The following CDC14A variants were observed in gnomAD, a reference collection of about 807,000 sequenced individuals.
CDC14A encodes dual specificity protein phosphatase CDC14A.
A neutral mutation model predicts 74.4 loss-of-function variants in CDC14A; 53 were observed. The ratio of observed to expected loss-of-function variants is 0.71; its 90% CI spans 0.57 to 0.89. The LOEUF (loss-of-function observed/expected upper bound fraction) is 0.89. Ranked by LOEUF, CDC14A falls within the 40% of genes least tolerant of loss-of-function variation. The probability of loss-of-function intolerance (pLI) is 0.00; values close to 1 mark genes in which losing one functional copy is unlikely to be tolerated. For missense variants in CDC14A, 646 were observed against 713.7 expected, an observed-to-expected ratio of 0.91 and a Z score of 1.08; for synonymous variants, 247 against 258.4, an observed-to-expected ratio of 0.96 and a Z score of 0.43.
intron 11 of CDC14A, among the ~76,000 whole-genome samples, chr1:100,490,775 C>A (rs915748238): frequency 1.3e-5 from 2 of 152,018 alleles, no homozygotes; most frequent in Non-Finnish European, 2.9e-5. Context: ...ATATGGGAAC[C>A]CTCCTGGCTG....
At chr1:100,362,849 G>T (rs1421998188) in intron 2 of CDC14A, among the ~76,000 whole-genome samples, 1 of 152,110 alleles carries the variant, frequency 6.6e-6, no homozygotes, top group Non-Finnish European at 1.5e-5. Context: ...TCATCTCATC[G>T]AAGATTAACA....
intron 10 of CDC14A, among the ~76,000 whole-genome samples, chr1:100,483,771 G>T (rs1660672199): frequency 6.6e-6 from 1 of 152,106 alleles, no homozygotes; most frequent in African/African-American, 2.4e-5. Context: ...TATAAGCCTT[G>T]CTTTTAGATT....
chr1:100,445,801 T>C (rs544655214), intron 7 of CDC14A, among the ~76,000 whole-genome samples: 47 of 152,310 alleles, frequency 3.1e-4, no homozygotes, highest in African/African-American at 1.1e-3. Context: ...AGGGGAGCAG[T>C]CAGTTTTGGT....
At chr1:100,382,134 G>A (rs1182074124) in intron 3 of CDC14A, among the ~76,000 whole-genome samples, 1 of 149,164 alleles carries the variant, frequency 6.7e-6, no homozygotes. Context: ...CTGGGCTAAA[G>A]TCTTCTGAAA....
intron 4 of CDC14A, among the ~76,000 whole-genome samples, chr1:100,415,931 T>A (rs1411511627): frequency 6.6e-6 from 1 of 152,184 alleles, no homozygotes; most frequent in African/African-American, 2.4e-5. Context: ...CTGGATATAA[T>A]GGGAGGAAAT....
intron 1 of CDC14A, among the ~76,000 whole-genome samples, chr1:100,346,631 CAA>C (rs200477363): frequency 0.015 from 1,166 of 77,906 alleles, 6 homozygotes; most frequent in African/African-American, 0.048. Context: ...GACTCTGTCT[CAA>C]AAAAAAAAAA....
chr1:100,356,981 C>T (rs188924238), intron 2 of CDC14A, among the ~76,000 whole-genome samples: 13 of 150,702 alleles, frequency 8.6e-5, no homozygotes, highest in Admixed American at 1.3e-4. Flanking sequence ...AGGAGGGTGG[C>T]GTGGAGGGGT....
chr1:100,351,934 T>TA, upstream of CDC14A: 1 of 792,556 alleles, frequency 1.3e-6, no homozygotes, highest in Non-Finnish European at 2.0e-6. Context: ...AAATGTTAGC[T>TA]AGAGGCGAGG....
At chr1:100,429,234 T>TAAATAAATAAATAACTAAAA (rs60569646) in intron 5 of CDC14A, among the ~76,000 whole-genome samples, 1 of 146,428 alleles carries the variant, frequency 6.8e-6, no homozygotes, top group African/African-American at 2.5e-5. Context: ...AATAAATAAA[T>TAAATAAATAAATAACTAAAA]ATAAAATAAA....
chr1:100,492,110 A>G (rs1404382751), intron 11 of CDC14A, among the ~76,000 whole-genome samples: 1 of 152,226 alleles, frequency 6.6e-6, no homozygotes, highest in Non-Finnish European at 1.5e-5. Context: ...GAGATGTATC[A>G]TAATTTACAG....
chr1:100,468,268 G>A (rs527341052), intron 10 of CDC14A, among the ~76,000 whole-genome samples, 174 bp downstream of exon 10: 1 of 152,258 alleles, frequency 6.6e-6, no homozygotes, highest in South Asian at 2.1e-4. Context: ...TTCTAACTTT[G>A]TACCTTTTAT....
In CDC14A at chr1:100,412,696, TTATATATATATA is replaced by T. The variant is rs139550432; in HGVS notation, c.310-11510_310-11499del. Among the ~76,000 whole-genome samples the T allele has an allele frequency of 2.7e-4, 20 of 74,106 alleles. 1 individual carries two copies. The highest frequency in any genetic ancestry group is 3.6e-4 in the Non-Finnish European group (17 of 46,598). 48.6% of individuals were successfully genotyped at this position (74,106 alleles called of 152,430 possible). A position where few individuals can be genotyped will look rare whatever the true frequency, so the allele number is the denominator to read the frequency against. ...AAGGTGGGTGAACTTCCTGTATGTT[TTATATATATATA>T]TATATATATATATATTTTATATATA... On this transcript the variant is annotated intron_variant, in intron 4 of 15. Coordinates refer to ENST00000336454, the MANE Select transcript of CDC14A (RefSeq NM_003672.4).
At chr1:100,433,471 A>G (rs1337371020) in intron 5 of CDC14A, among the ~76,000 whole-genome samples, 3 of 152,100 alleles carry the variant, frequency 2.0e-5, no homozygotes, top group South Asian at 4.1e-4. Flanking sequence ...TTGCTCTGCA[A>G]TTTTTGCATA....
intron 2 of CDC14A, among the ~76,000 whole-genome samples, chr1:100,375,443 A>G (rs1037828639): frequency 2.0e-5 from 3 of 152,232 alleles, no homozygotes; most frequent in African/African-American, 2.4e-5. Context: ...GAAGACTAAT[A>G]TCTTTCTTGG....
intron 2 of CDC14A, among the ~76,000 whole-genome samples, chr1:100,370,551 C>T (rs1015671803): frequency 1.3e-5 from 2 of 152,152 alleles, no homozygotes; most frequent in Non-Finnish European, 2.9e-5. Flanking sequence ...ATCCCAGCAC[C>T]ATTTATTGAA....
At chr1:100,430,773 A>C (rs1663558927) in intron 5 of CDC14A, among the ~76,000 whole-genome samples, 1 of 152,200 alleles carries the variant, frequency 6.6e-6, no homozygotes, top group African/African-American at 2.4e-5. Flanking sequence ...ACTGTACTTC[A>C]AAGGGAAAGT....
At chr1:100,505,737 G>T (rs1009257576) in intron 15 of CDC14A, among the ~76,000 whole-genome samples, 7 of 152,150 alleles carry the variant, frequency 4.6e-5, no homozygotes, top group Non-Finnish European at 8.8e-5. Flanking sequence ...ATTTTAAATA[G>T]GACATTTTTA....
intron 4 of CDC14A, among the ~76,000 whole-genome samples, chr1:100,418,885 T>A (rs981716833): frequency 2.0e-5 from 3 of 152,108 alleles, no homozygotes; most frequent in Admixed American, 6.6e-5. Context: ...TACCCCATAA[T>A]TGAAAGAGAC....
intron 4 of CDC14A, among the ~76,000 whole-genome samples, chr1:100,392,374 T>C (rs1657836801): frequency 6.6e-6 from 1 of 152,218 alleles, no homozygotes; most frequent in Admixed American, 6.5e-5. Flanking sequence ...TTTGTGATGC[T>C]TTGTAAGCGT....
Sources: allele counts gnomAD v4.1 joint callset (sites outside exome capture counted in the v4.1 genomes callset), GRCh38; gene constraint gnomAD v4.1.1; transcripts MANE v1.5; gene names NCBI Gene and HGNC (gene_info 2026-07-23, HGNC 2026-07-21).